The following OSBPL3 variants were observed in gnomAD, a reference collection of about 807,000 sequenced individuals.
The protein encoded by OSBPL3 is oxysterol binding protein like 3.
OSBPL3 carries 65 observed loss-of-function variants against 120.1 expected under a neutral mutation model. That is an observed-to-expected ratio of 0.54 (90% CI 0.44 to 0.67). The LOEUF is 0.67. Ranked by LOEUF, OSBPL3 falls within the 30% of genes least tolerant of loss-of-function variation. The pLI is 0.00. For missense variants in OSBPL3, 1,004 were observed against 1,082.1 expected, an observed-to-expected ratio of 0.93 and a Z score of 1.01; for synonymous variants, 416 against 402.6, an observed-to-expected ratio of 1.03 and a Z score of -0.40.
In OSBPL3 at chr7:24,960,921, C is replaced by T. The variant is rs546996129; in HGVS notation, c.-150+18965G>A. 3.4e-4 allele frequency among the ~76,000 whole-genome samples: 52 copies of T among 152,304 alleles called. 1 individual carries two copies. Among genetic ancestry groups the T allele is most frequent in the African/African-American group, 1.2e-3 (49 of 41,562 alleles). On this transcript the variant is annotated intron_variant, in intron 1 of 22. Coordinates refer to ENST00000313367, the MANE Select transcript of OSBPL3 (RefSeq NM_015550.4). ...TTACACCCCTCGATCTTACCTTGCC[C>T]ACCTTCGGGAAGTGGTTCTAATAAG...
chr7:24,834,209 G>C lies in OSBPL3; in HGVS notation c.1746+277C>G, dbSNP rs540036147. 8.7e-7 allele frequency: 1 copy of C among 1,154,788 alleles called. No homozygotes were observed. The highest frequency in any genetic ancestry group is 1.1e-6 in the Non-Finnish European group (1 of 928,624). 71.5% of individuals were successfully genotyped at this position (1,154,788 alleles called of 1,614,324 possible). A position where few individuals can be genotyped will look rare whatever the true frequency, so the allele number is the denominator to read the frequency against. ...GCACATCGGAACAATCAGCCAGAAG[G>C]CTTCTGGAGAAAGAGGAAGCACAAA... On this transcript the variant is annotated intron_variant, in intron 15 of 22. Coordinates refer to ENST00000313367, the MANE Select transcript of OSBPL3 (RefSeq NM_015550.4). The surrounding 1 kb of genome is among the most constrained non-coding windows in gnomAD (Gnocchi z 5.2).
intron 1 of OSBPL3, among the ~76,000 whole-genome samples, chr7:24,915,649 C>T (rs987793492): frequency 2.0e-5 from 3 of 151,798 alleles, no homozygotes; most frequent in African/African-American, 4.8e-5. Flanking sequence ...TCTTGGCTCA[C>T]TGCAGCCTCT....
Position 24,900,198 on chromosome 7 carries a change from A to C in OSBPL3, c.-149-7577T>G, listed in dbSNP as rs886816459. 5.9e-5 allele frequency among the ~76,000 whole-genome samples: 9 copies of C among 152,322 alleles called. No homozygotes were observed. Among genetic ancestry groups the C allele is most frequent in the African/African-American group, 2.2e-4 (9 of 41,564 alleles). ...AGGGGGACCCTGGGATCTGTTTTTC[A>C]CAAGTTCTCCAGGTGACCTGAATGC... On this transcript the variant is annotated intron_variant, in intron 1 of 22. Transcript: ENST00000313367. The surrounding 1 kb of genome is among the most constrained non-coding windows in gnomAD (Gnocchi z 4.5).
intron 2 of OSBPL3, among the ~76,000 whole-genome samples, chr7:24,886,175 T>C (rs1283881542): frequency 6.6e-6 from 1 of 152,214 alleles, no homozygotes; most frequent in Non-Finnish European, 1.5e-5. Flanking sequence ...ATTTACTGTT[T>C]CATTTAGTTC....
chr7:24,936,769 A>T lies in OSBPL3; in HGVS notation c.-150+43117T>A, dbSNP rs1262032634. Among the ~76,000 whole-genome samples, 1 of 152,208 alleles carries T rather than the reference A, an allele frequency of 6.6e-6. No homozygotes were observed. The highest frequency in any genetic ancestry group is 2.4e-5 in the African/African-American group (1 of 41,448). On this transcript the variant is annotated intron_variant, in intron 1 of 22. Coordinates refer to ENST00000313367, the MANE Select transcript of OSBPL3 (RefSeq NM_015550.4). This position sits in a 1 kb window ranked among gnomAD's most constrained non-coding sequence, Gnocchi z 4.2. ...GGAAACAATCGTGAATAACATGATA[A>T]AAGTTTGCCTGCATTATCCTATATG...
In OSBPL3 at chr7:24,896,162, G is replaced by A. The variant is rs1485776036; in HGVS notation, c.-149-3541C>T. Reference sequence around the variant, plus strand: ...CAGTGTTTGATGTGTGACAGAATTCGGTTTGGGATCTGCTTTTGTTTCAAC... The same window carrying A: ...CAGTGTTTGATGTGTGACAGAATTCAGTTTGGGATCTGCTTTTGTTTCAAC... On this transcript the variant is annotated intron_variant, in intron 1 of 22. Transcript: ENST00000313367. The surrounding 1 kb of genome is among the most constrained non-coding windows in gnomAD (Gnocchi z 4.4). Among the ~76,000 whole-genome samples the A allele has an allele frequency of 1.3e-5, 2 of 152,160 alleles. No homozygotes were observed. Among genetic ancestry groups the A allele is most frequent in the East Asian group, 1.9e-4 (1 of 5,204 alleles).
intron 1 of OSBPL3, among the ~76,000 whole-genome samples, chr7:24,949,523 C>T (rs1269320934): frequency 6.6e-6 from 1 of 152,170 alleles, no homozygotes; most frequent in African/African-American, 2.4e-5. Flanking sequence ...GGCAGCAGAT[C>T]CTCTTGATGT....
chr7:24,897,450 C>T (rs1330980721), intron 1 of OSBPL3, among the ~76,000 whole-genome samples: 7 of 151,006 alleles, frequency 4.6e-5, no homozygotes, highest in African/African-American at 9.8e-5. Flanking sequence ...CTCAGCCTCC[C>T]GAGTAGCTGG....
In OSBPL3 at chr7:24,822,239, T is replaced by C. The variant is rs1795214812; in HGVS notation, c.1885-2001A>G. On this transcript the variant is annotated intron_variant, in intron 16 of 22. Coordinates refer to ENST00000313367, the MANE Select transcript of OSBPL3 (RefSeq NM_015550.4). This position sits in a 1 kb window ranked among gnomAD's most constrained non-coding sequence, Gnocchi z 5.8. The stretch of plus-strand genomic sequence containing the variant: ...ATTAAAAAATGCTACATTCTTCTCC[T>C]TTTCTTCACTAGCTGTCTTTCGATG... Among the ~76,000 whole-genome samples the C allele has an allele frequency of 6.6e-6, 1 of 152,192 alleles. No individual in the cohort carries two copies. The highest frequency in any genetic ancestry group is 1.5e-5 in the Non-Finnish European group (1 of 68,026).
intron 2 of OSBPL3, among the ~76,000 whole-genome samples, chr7:24,878,749 G>C (rs1345782635): frequency 6.6e-6 from 1 of 152,216 alleles, no homozygotes; most frequent in African/African-American, 2.4e-5. Context: ...TTGGGAGAAA[G>C]GTAGTGTATG....
chr7:24,945,329 G>A (rs1813589844), intron 1 of OSBPL3, among the ~76,000 whole-genome samples: 1 of 152,126 alleles, frequency 6.6e-6, no homozygotes, highest in South Asian at 2.1e-4. Context: ...TCATGAGTAT[G>A]TGCTCTGACC....
chr7:24,938,694 C>A lies in OSBPL3; in HGVS notation c.-150+41192G>T, dbSNP rs1353368469. 6.6e-6 allele frequency among the ~76,000 whole-genome samples: 1 copy of A among 151,766 alleles called. No individual in the cohort carries two copies. The highest frequency in any genetic ancestry group is 2.4e-5 in the African/African-American group (1 of 41,300). On this transcript the variant is annotated intron_variant, in intron 1 of 22. Coordinates refer to ENST00000313367, the MANE Select transcript of OSBPL3 (RefSeq NM_015550.4). The surrounding 1 kb of genome is among the most constrained non-coding windows in gnomAD (Gnocchi z 5.8). ...GGCTTCCTGGAAGTCCCATACAATA[C>A]TCCTAAATAACATACACAGGCAAGA...
chr7:24,855,351 C>A lies in OSBPL3; in HGVS notation c.1028-2717G>T, dbSNP rs1284567839. Among the ~76,000 whole-genome samples the A allele has an allele frequency of 2.0e-5, 3 of 152,282 alleles. No homozygotes were observed. Among genetic ancestry groups the A allele is most frequent in the African/African-American group, 7.2e-5 (3 of 41,562 alleles). On this transcript the variant is annotated intron_variant, in intron 10 of 22. Coordinates refer to ENST00000313367, the MANE Select transcript of OSBPL3 (RefSeq NM_015550.4). The surrounding 1 kb of genome is among the most constrained non-coding windows in gnomAD (Gnocchi z 4.3). ...GGCTTCCAGGTGACCTACAGAAAAA[C>A]AAGGCTTTCCACCAAATGAGAAGAG...
rs758895784 is a variant in OSBPL3, at chr7:24,849,098, C to T, written c.1237G>A (p.Val413Ile). 3 of 1,613,988 alleles carry T rather than the reference C, an allele frequency of 1.9e-6. No individual in the cohort carries two copies. The highest frequency in any genetic ancestry group is 4.5e-5 in the East Asian group (2 of 44,874). Reference sequence around the variant, plus strand: ...GCCAGATTGTCACCCGACTTGGCGACAGCGGGGGAGTCGAGGAGCAGAGAC... The same window carrying T: ...GCCAGATTGTCACCCGACTTGGCGATAGCGGGGGAGTCGAGGAGCAGAGAC... ...AESLLLDSPA[V>I]AKSGDNLAEE... Residue 413 changes from valine to isoleucine, a missense_variant, in exon 12 of 23, where the codon GTC becomes ATC. This residue lies in a region of OSBPL3 where 272 missense variants were observed against 248.8 expected (regional missense o/e 1.09). Transcript: ENST00000313367. The surrounding 1 kb of genome is among the most constrained non-coding windows in gnomAD (Gnocchi z 5.4).
chr7:24,951,858 C>T (rs1252381043), intron 1 of OSBPL3, among the ~76,000 whole-genome samples: 1 of 152,172 alleles, frequency 6.6e-6, no homozygotes, highest in African/African-American at 2.4e-5. Context: ...TCCAAAATCA[C>T]AACACCCACG....
intron 12 of OSBPL3, among the ~76,000 whole-genome samples, chr7:24,845,381 A>G (rs1798281900): frequency 1.5e-5 from 2 of 132,184 alleles, no homozygotes; most frequent in Non-Finnish European, 3.2e-5. Flanking sequence ...ATTGCAAAAT[A>G]AGTAAAAAAA....
At chr7:24,949,508 A>G (rs1006653276) in intron 1 of OSBPL3, among the ~76,000 whole-genome samples, 1 of 152,172 alleles carries the variant, frequency 6.6e-6, no homozygotes, top group Non-Finnish European at 1.5e-5. Flanking sequence ...TCCATTTTGG[A>G]TGTTGGCAGC....
At chr7:24,892,018 A>C (rs1273334979) in intron 2 of OSBPL3, among the ~76,000 whole-genome samples, 1 of 152,190 alleles carries the variant, frequency 6.6e-6, no homozygotes, top group East Asian at 1.9e-4. Flanking sequence ...TCTGAAGCCA[A>C]ACAGACTGAG....
chr7:24,865,641 C>T (rs908187442), intron 6 of OSBPL3, among the ~76,000 whole-genome samples, 176 bp from the exon 7 acceptor site: 1 of 152,184 alleles, frequency 6.6e-6, no homozygotes, highest in Non-Finnish European at 1.5e-5. Flanking sequence ...TTGGCCATAC[C>T]GTGCTATGAT....
Sources: allele counts gnomAD v4.1 joint callset (sites outside exome capture counted in the v4.1 genomes callset), GRCh38; gene constraint gnomAD v4.1.1; regional missense constraint gnomAD v4.1.1; non-coding constraint Gnocchi (gnomAD v3.1); transcripts MANE v1.5; gene names NCBI Gene and HGNC (gene_info 2026-07-23, HGNC 2026-07-21).